KCNMA1: variants seen among roughly 807,000 people sequenced by gnomAD.
The protein encoded by KCNMA1 is Calcium-activated potassium channel subunit alpha-1.
KCNMA1 carries 29 observed loss-of-function variants against 140.0 expected under a neutral mutation model. The ratio of observed to expected loss-of-function variants is 0.21; its 90% CI spans 0.15 to 0.28. The LOEUF (loss-of-function observed/expected upper bound fraction) is 0.28. Among genes scored for constraint, KCNMA1 ranks in the 10% least tolerant of loss-of-function variants. The pLI is 1.00. For synonymous variants in KCNMA1, 612 were observed against 611.9 expected (o/e 1.00, Z 0.00); for missense variants, 880 against 1,602.2 (o/e 0.55, Z 7.70).
intron 1 of KCNMA1, among the ~76,000 whole-genome samples, chr10:77,612,552 T>A (rs2087356314): frequency 6.6e-6 from 1 of 152,192 alleles, no homozygotes; most frequent in East Asian, 1.9e-4. Flanking sequence ...TCATTCTGCC[T>A]GAAGACCACA....
intron 2 of KCNMA1, among the ~76,000 whole-genome samples, chr10:77,252,257 C>G (rs1446063923): frequency 1.3e-5 from 2 of 152,176 alleles, no homozygotes; most frequent in Non-Finnish European, 2.9e-5. Flanking sequence ...ACAGAGGAGA[C>G]TATTAATGCA....
intron 3 of KCNMA1, among the ~76,000 whole-genome samples, chr10:77,193,596 G>A (rs1598397191): frequency 6.6e-6 from 1 of 152,238 alleles, no homozygotes. Context: ...AAAGTTCTTC[G>A]AGGGCAGGGT....
At chr10:77,540,759 G>A (rs939488427) in intron 1 of KCNMA1, among the ~76,000 whole-genome samples, 13 of 152,058 alleles carry the variant, frequency 8.5e-5, no homozygotes, top group Admixed American at 3.3e-4. Flanking sequence ...CCAGCACTTC[G>A]GGAGGCCGAG....
chr10:77,138,040 T>C (rs2098085620), intron 5 of KCNMA1, among the ~76,000 whole-genome samples: 1 of 152,142 alleles, frequency 6.6e-6, no homozygotes. Context: ...CATCAGTTGA[T>C]ATTCAGACTG....
intron 3 of KCNMA1, among the ~76,000 whole-genome samples, chr10:77,246,601 T>C (rs757574019): frequency 6.6e-5 from 10 of 152,258 alleles, no homozygotes; most frequent in Non-Finnish European, 1.0e-4. Flanking sequence ...TCAGAGACTA[T>C]GAAAACAATC....
At chr10:76,988,027 C>T (rs1266903937) in intron 19 of KCNMA1, among the ~76,000 whole-genome samples, 1 of 152,172 alleles carries the variant, frequency 6.6e-6, no homozygotes, top group Non-Finnish European at 1.5e-5. Context: ...GTGAGCTTGG[C>T]AGTGCCACTG....
chr10:76,929,066 T>A (rs79325754), intron 23 of KCNMA1, among the ~76,000 whole-genome samples: 6,120 of 152,018 alleles, frequency 0.04, 301 homozygotes, highest in African/African-American at 0.11. Flanking sequence ...GAGTTTTTTT[T>A]AAAAAAGTTT....
intron 2 of KCNMA1, among the ~76,000 whole-genome samples, chr10:77,355,807 A>G (rs1389995085): frequency 6.6e-6 from 1 of 152,184 alleles, no homozygotes; most frequent in Non-Finnish European, 1.5e-5. Flanking sequence ...CACCTAACTA[A>G]TACTAATGTA....
chr10:77,609,067 C>A (rs561433725), intron 1 of KCNMA1, among the ~76,000 whole-genome samples: 2 of 152,260 alleles, frequency 1.3e-5, no homozygotes, highest in South Asian at 4.1e-4. Flanking sequence ...ATAGAACTAC[C>A]ATATGATCCA....
At chr10:77,425,085 GTGGATGGA>G (rs59773000) in intron 1 of KCNMA1, among the ~76,000 whole-genome samples, 1 of 151,036 alleles carries the variant, frequency 6.6e-6, no homozygotes, top group Non-Finnish European at 1.5e-5. Flanking sequence ...GGATGGATGA[GTGGATGGA>G]TGGATGGATG....
chr10:77,177,067 G>T (rs766481167), intron 5 of KCNMA1, among the ~76,000 whole-genome samples: 4 of 152,164 alleles, frequency 2.6e-5, no homozygotes, highest in Admixed American at 6.5e-5. Flanking sequence ...GAGCCAAGGG[G>T]TGTAGGTGGC....
intron 1 of KCNMA1, among the ~76,000 whole-genome samples, chr10:77,463,772 G>A (rs745351953): frequency 1.3e-5 from 2 of 152,134 alleles, no homozygotes; most frequent in Non-Finnish European, 2.9e-5. Flanking sequence ...GGAAGCATAG[G>A]GGGTGGCAGA....
At chr10:76,918,918 T>TCACA (rs71477059) in intron 23 of KCNMA1, among the ~76,000 whole-genome samples, 79,522 of 143,740 alleles carry the variant, frequency 0.55, 22,806 homozygotes, top group Non-Finnish European at 0.66. Flanking sequence ...ATATATCACA[T>TCACA]CACACACACA....
At chr10:77,451,119 A>G (rs1603623620) in intron 1 of KCNMA1, among the ~76,000 whole-genome samples, 1 of 152,268 alleles carries the variant, frequency 6.6e-6, no homozygotes, top group African/African-American at 2.4e-5. Flanking sequence ...TGTCTTTACT[A>G]GCAGCATGAG....
intron 14 of KCNMA1, among the ~76,000 whole-genome samples, chr10:77,056,239 G>C (rs918165784): frequency 6.6e-6 from 1 of 152,122 alleles, no homozygotes; most frequent in African/African-American, 2.4e-5. Context: ...AATTAGCCAG[G>C]CGTGGTGGTG....
chr10:77,601,115 C>T (rs1252672875), intron 1 of KCNMA1, among the ~76,000 whole-genome samples: 1 of 152,210 alleles, frequency 6.6e-6, no homozygotes, highest in African/African-American at 2.4e-5. Flanking sequence ...CTTTTACGGT[C>T]AGCCCTTGCC....
At chr10:76,911,865 GA>G (rs2050433960) in intron 24 of KCNMA1, 1 of 152,222 alleles carries the variant, frequency 6.6e-6, no homozygotes, top group South Asian at 2.1e-4. Context: ...ACATATGGAA[GA>G]ATGCAGTTTT....
chr10:77,094,661 G>T lies in KCNMA1; in HGVS notation c.1224-4151C>A, dbSNP rs117105398. Among the ~76,000 whole-genome samples the T allele has an allele frequency of 1.8e-4, 27 of 152,216 alleles. No individual in the cohort carries two copies. The East Asian group carries it at 5.0e-3, about 28-fold the overall frequency. ...GCCATATGATTGGAGCAAGCTAAGG[G>T]GCTGCAAAGTGATGCAAATGTCCAT... On this transcript the variant is annotated intron_variant, in intron 9 of 27. Coordinates refer to ENST00000286628, the MANE Select transcript of KCNMA1 (RefSeq NM_001161352.2).
intron 1 of KCNMA1, among the ~76,000 whole-genome samples, chr10:77,507,193 A>G (rs1357473026): frequency 3.9e-5 from 6 of 152,260 alleles, no homozygotes; most frequent in Non-Finnish European, 5.9e-5. Context: ...TATTAAAAAT[A>G]CAAACAGCTC....
Sources: gnomAD v4.1 joint callset for allele counts (sites outside exome capture counted in the v4.1 genomes callset) on GRCh38, gnomAD v4.1.1 for gene constraint, MANE v1.5 for transcripts, NCBI Gene and HGNC (gene_info 2026-07-23, HGNC 2026-07-21) for gene names.